AKIP1: variants seen among roughly 807,000 people sequenced by gnomAD.
AKIP1 encodes the protein A-kinase interacting protein 1.
A neutral mutation model predicts 22.3 loss-of-function variants in AKIP1; 18 were observed. The ratio of observed to expected loss-of-function variants is 0.81; its 90% CI spans 0.56 to 1.19. AKIP1 has a LOEUF of 1.19. Ranked by LOEUF, AKIP1 falls within the 50% of genes most tolerant of loss-of-function variation. The pLI is 0.00. For synonymous variants in AKIP1, 120 were observed against 102.7 expected, an observed-to-expected ratio of 1.17 and a Z score of -1.02; for missense variants, 287 against 264.6, an observed-to-expected ratio of 1.08 and a Z score of -0.59.
At chr11:8,914,984 C>T (rs2064457510) in intron 4 of AKIP1, 54 bp downstream of exon 4, 2 of 1,398,714 alleles carry the variant, frequency 1.4e-6, no homozygotes, top group Non-Finnish European at 2.0e-6. Flanking sequence ...AGATATGACA[C>T]CCTATATTCA....
At position 8,915,034 on chromosome 11, in the gene AKIP1, G is replaced by A. The variant is rs536095905; in HGVS notation, c.408+104G>A. 6.7e-5 allele frequency: 55 copies of A among 824,614 alleles called. No homozygotes were observed. The South Asian group carries it at 9.2e-4, about 14-fold the overall frequency. 51.1% of individuals were successfully genotyped at this position (824,614 alleles called of 1,614,324 possible). ...ACTTTGTGTCACTGGATGCCCGTGT[G>A]ACTTGGCATTACAGTGCTTAACAGA... On this transcript the variant is annotated intron_variant, in intron 4 of 5. Transcript: ENST00000309377.
Position 8,919,689 on chromosome 11 carries a change from T to G in AKIP1, c.*209T>G. ...TCTCACTCTGTTGCCCAGGCTGGAG[T>G]GCAGTGGCGTGATCTCGGCTCACTG... On this transcript the variant is annotated 3_prime_UTR_variant, in exon 6 of 6. Transcript: ENST00000309377. 1 of 492,948 alleles carries G rather than the reference T, an allele frequency of 2.0e-6. No individual in the cohort carries two copies. The highest frequency in any genetic ancestry group is 3.6e-6 in the Non-Finnish European group (1 of 281,110). The allele number at this position is 492,948 out of a possible 1,614,324, so 30.5% of individuals were successfully genotyped here.
chr11:8,917,813 A>G (rs992098940), intron 5 of AKIP1: 2 of 225,302 alleles, frequency 8.9e-6, no homozygotes, highest in Non-Finnish European at 1.7e-5. Context: ...CTTATTTTCC[A>G]CAAATGTTTC....
At position 8,914,957 on chromosome 11, in the gene AKIP1, A is replaced by T. The variant is rs372405920; in HGVS notation, c.408+27A>T. Reference sequence around the variant, plus strand: ...TAAGTGTACTCAACTGTCCTGCACCATGCCTTCAGTCTACCAAGATATGAC... The same window carrying T: ...TAAGTGTACTCAACTGTCCTGCACCTTGCCTTCAGTCTACCAAGATATGAC... On this transcript the variant is annotated intron_variant, in intron 4 of 5. Coordinates refer to ENST00000309377, the MANE Select transcript of AKIP1 (RefSeq NM_020642.4). 3.6e-5 allele frequency: 56 copies of T among 1,559,086 alleles called. No homozygotes were observed. The South Asian group carries it at 4.2e-4, about 12-fold the overall frequency.
At chr11:8,914,988 A>G in intron 4 of AKIP1, 58 bp downstream of exon 4, 5 of 1,342,440 alleles carry the variant, frequency 3.7e-6, no homozygotes, top group South Asian at 1.2e-5. Flanking sequence ...ATGACACCCT[A>G]TATTCAAGAG....
At chr11:8,912,301 T>TAA (rs918202214) in intron 2 of AKIP1, 152 bp from the exon 3 acceptor site, 2 of 635,340 alleles carry the variant, frequency 3.1e-6, no homozygotes, top group Admixed American at 2.6e-5. Context: ...GTCTATCTTT[T>TAA]AGAGTTGGAA....
intron 5 of AKIP1, chr11:8,918,081 T>G (rs912696583): frequency 1.3e-4 from 20 of 152,258 alleles, no homozygotes; most frequent in African/African-American, 4.6e-4. Flanking sequence ...CTTAGACGCC[T>G]CTCAACACTT....
chr11:8,913,391 T>C (rs1476619843), intron 3 of AKIP1, among the ~76,000 whole-genome samples: 1 of 152,032 alleles, frequency 6.6e-6, no homozygotes, highest in African/African-American at 2.4e-5. Context: ...CTTCACCATG[T>C]TGGCCAGGCT....
At chr11:8,917,615 G>A (rs1311195945) in intron 5 of AKIP1, 1 of 530,860 alleles carries the variant, frequency 1.9e-6, no homozygotes, top group Non-Finnish European at 3.4e-6. Flanking sequence ...TGGAAAGAAT[G>A]TGAAGTATTC....
intron 1 of AKIP1, 23 bp from the exon 2 acceptor site, chr11:8,911,421 T>C (rs769923554): frequency 6.5e-7 from 1 of 1,549,244 alleles, no homozygotes; most frequent in Non-Finnish European, 8.7e-7. Flanking sequence ...CCGCCGGCGT[T>C]TGTACGTTGT....
At chr11:8,911,321 T>C in intron 1 of AKIP1, 98 bp downstream of exon 1, 1 of 847,820 alleles carries the variant, frequency 1.2e-6, no homozygotes, top group Non-Finnish European at 1.8e-6. Flanking sequence ...GAGTGTGCGT[T>C]GGGGGCGGAC....
At chr11:8,913,595 C>A (rs754787734) in intron 3 of AKIP1, among the ~76,000 whole-genome samples, 2 of 152,196 alleles carry the variant, frequency 1.3e-5, no homozygotes, top group Non-Finnish European at 2.9e-5. Flanking sequence ...AGGCTCTGGC[C>A]TCATGCAGTC....
chr11:8,914,732 C>T (rs761947329), intron 3 of AKIP1, 94 bp from the exon 4 acceptor site: 2 of 874,804 alleles, frequency 2.3e-6, no homozygotes, highest in Non-Finnish European at 3.7e-6. Context: ...TCTCTTGCCT[C>T]CCTCCTTAAC....
At chr11:8,912,693 C>G (rs2064404047) in intron 3 of AKIP1, among the ~76,000 whole-genome samples, 160 bp downstream of exon 3, 1 of 151,994 alleles carries the variant, frequency 6.6e-6, no homozygotes, top group Admixed American at 6.6e-5. Flanking sequence ...GGGGTAAATC[C>G]AAGTTAGAAT....
rs143701532 is a variant in AKIP1, at chr11:8,919,359, T to C, written c.512T>C (p.Leu171Pro). 172 of 1,613,808 alleles carry C rather than the reference T, an allele frequency of 1.1e-4. 1 individual carries two copies. The highest frequency in any genetic ancestry group is 3.3e-4 in the Middle Eastern group (2 of 6,082). The change falls in exon 6 of 6, where the codon CTC (leucine) becomes CCC (proline). Residue 171 changes from leucine (L) to proline (P), a missense_variant. Leu to Pro is a moderately conservative substitution (Grantham distance 98). Coordinates refer to ENST00000309377, the MANE Select transcript of AKIP1 (RefSeq NM_020642.4). ...SQPAENISKD[L>P]YIEVYPGTYS... ...TAGGCTGAGAACATCTCTAAGGACC[T>C]CTACATAGAAGTATATCCAGGGACC... is the stretch of plus-strand genomic sequence containing the variant.
intron 5 of AKIP1, 157 bp downstream of exon 5, chr11:8,917,524 T>A: frequency 1.5e-6 from 1 of 653,772 alleles, no homozygotes. Flanking sequence ...TTTGGTTCAG[T>A]GTAAAATTAG....
Position 8,915,441 on chromosome 11 carries a change from G to T in AKIP1, c.408+511G>T, listed in dbSNP as rs1384649789. ...TGCAGTGGAGCAATCATGGCTTACT[G>T]CAGCCTTGACTTCCTGGGCAGGTGA... On this transcript the variant is annotated intron_variant, in intron 4 of 5. Transcript: ENST00000309377. 2.9e-5 allele frequency among the ~76,000 whole-genome samples: 4 copies of T among 136,244 alleles called. No individual in the cohort carries two copies. The Admixed American group carries it at 3.4e-4, about 11-fold the overall frequency. 89.4% of individuals were successfully genotyped at this position (136,244 alleles called of 152,430 possible).
At chr11:8,915,242 C>T (rs1199585687) in intron 4 of AKIP1, among the ~76,000 whole-genome samples, 3 of 151,918 alleles carry the variant, frequency 2.0e-5, no homozygotes, top group East Asian at 1.9e-4. Context: ...ATGCAATGAT[C>T]GCCCCTGTGA....
intron 5 of AKIP1, chr11:8,917,625 C>T: frequency 1.9e-6 from 1 of 525,648 alleles, no homozygotes; most frequent in Non-Finnish European, 3.4e-6. Context: ...GTGAAGTATT[C>T]ACCTCTCAGT....
Sources: allele counts gnomAD v4.1 joint callset (sites outside exome capture counted in the v4.1 genomes callset), GRCh38; gene constraint gnomAD v4.1.1; transcripts MANE v1.5; gene names NCBI Gene and HGNC (gene_info 2026-07-23, HGNC 2026-07-21).